Variants in LY75 observed in about 807,000 individuals in gnomAD.
LY75 encodes the protein lymphocyte antigen 75, also known as C-type lectin domain family 13 member B.
Under a neutral mutation model 231.7 loss-of-function variants are expected in LY75, and 185 were observed. That is an observed-to-expected ratio of 0.80 (90% confidence interval 0.71 to 0.90). The LOEUF (loss-of-function observed/expected upper bound fraction) is 0.90. Among genes scored for constraint, LY75 ranks in the 40% least tolerant of loss-of-function variants. The pLI is 0.00. For synonymous variants in LY75, 668 were observed against 689.0 expected, an observed-to-expected ratio of 0.97 and a Z score of 0.48; for missense variants, 1,947 against 2,050.2, an observed-to-expected ratio of 0.95 and a Z score of 0.97.
intron 4 of LY75, among the ~76,000 whole-genome samples, chr2:159,888,935 T>C (rs1685671453): frequency 6.6e-6 from 1 of 152,134 alleles, no homozygotes; most frequent in Admixed American, 6.6e-5. Context: ...TTAGATGGGA[T>C]GAAAGGAGAT....
intron 13 of LY75, among the ~76,000 whole-genome samples, chr2:159,865,631 C>T (rs1684835161): frequency 6.6e-6 from 1 of 152,096 alleles, no homozygotes; most frequent in Non-Finnish European, 1.5e-5. Flanking sequence ...GAGTTATATA[C>T]ATTTTAGGTG....
intron 29 of LY75, 114 bp downstream of exon 29, chr2:159,819,612 G>A (rs531982654): frequency 1.0e-5 from 13 of 1,304,630 alleles, no homozygotes; most frequent in South Asian, 1.6e-5. Context: ...GTAACACCTC[G>A]CACAGGACTG....
intron 13 of LY75, among the ~76,000 whole-genome samples, chr2:159,871,166 C>T (rs1226045165): frequency 1.3e-5 from 2 of 152,082 alleles, no homozygotes; most frequent in South Asian, 2.1e-4. Flanking sequence ...GTTATATTTA[C>T]TAAATATAAG....
At chr2:159,821,308 T>C (rs954867441) in intron 28 of LY75, among the ~76,000 whole-genome samples, 5 of 151,418 alleles carry the variant, frequency 3.3e-5, no homozygotes, top group African/African-American at 9.7e-5. Flanking sequence ...GCTACAGCTA[T>C]AAAATCTTTA....
chr2:159,817,151 G>T, intron 29 of LY75, 119 bp from the exon 30 acceptor site: 1 of 1,045,682 alleles, frequency 9.6e-7, no homozygotes. Flanking sequence ...ATTAATAAGG[G>T]AGGTCAAATG....
chr2:159,854,342 T>A lies in LY75; in HGVS notation c.2595+18A>T. ...ACAAAAATAAGAAATATATTTAAAA[T>A]ATATTCTTTTAAATTACATTTGCTA... On this transcript the variant is annotated intron_variant, in intron 18 of 34. Transcript: ENST00000263636. 7.5e-7 allele frequency: 1 copy of A among 1,326,386 alleles called. No individual in the cohort carries two copies. Among genetic ancestry groups the A allele is most frequent in the Non-Finnish European group, 9.8e-7 (1 of 1,020,888 alleles). 82.2% of individuals were successfully genotyped at this position (1,326,386 alleles called of 1,614,324 possible). A position where few individuals can be genotyped will look rare whatever the true frequency, so the allele number is the denominator to read the frequency against.
intron 31 of LY75, among the ~76,000 whole-genome samples, chr2:159,812,646 C>A (rs1260536077): frequency 1.3e-5 from 2 of 152,136 alleles, no homozygotes; most frequent in Non-Finnish European, 2.9e-5. Context: ...CTCCTGGGCT[C>A]AAGCCACCCA....
chr2:159,858,451 C>G lies in LY75; in HGVS notation c.2294G>C (p.Gly765Ala), dbSNP rs549633071. Residue 765 changes from glycine (G) to alanine (A), a missense_variant, in exon 16 of 35, where the codon GGC (glycine) becomes GCC (alanine). Physicochemically the swap from Gly to Ala is moderately conservative, Grantham distance 60. Coordinates refer to ENST00000263636, the MANE Select transcript of LY75 (RefSeq NM_002349.4). Reference sequence around the variant, plus strand: ...TTCTCTATCATCATAGAAATGCCAGCCTCTTCGCCATGGCCTATGAAATAC... The same window carrying G: ...TTCTCTATCATCATAGAAATGCCAGGCTCTTCGCCATGGCCTATGAAATAC... ...VKVFHRPWRR[G>A]WHFYDDREFI... 23 of 1,612,872 alleles carry G rather than the reference C, an allele frequency of 1.4e-5. No homozygotes were observed. The Admixed American group carries it at 2.5e-4, about 18-fold the overall frequency.
chr2:159,855,646 T>A (rs1189955528), intron 16 of LY75, among the ~76,000 whole-genome samples: 1 of 152,142 alleles, frequency 6.6e-6, no homozygotes, highest in Non-Finnish European at 1.5e-5. Flanking sequence ...TCTCTGAGCC[T>A]TGATTTTCTC....
chr2:159,805,744 T>C (rs1179618512), intron 34 of LY75, among the ~76,000 whole-genome samples: 2 of 152,228 alleles, frequency 1.3e-5, no homozygotes, highest in African/African-American at 4.8e-5. Flanking sequence ...TGACTTTAAA[T>C]ACCATTGCTA....
chr2:159,867,270 AT>A (rs920987786), intron 13 of LY75, among the ~76,000 whole-genome samples: 2 of 152,046 alleles, frequency 1.3e-5, no homozygotes, highest in Non-Finnish European at 1.5e-5. Flanking sequence ...ACATGTATGT[AT>A]TTTTTTTGTG....
Position 159,805,063 on chromosome 2 carries a change from A to G in LY75, c.5150T>C (p.Leu1717Pro). ...AQGVNEDEIM[L>P]PSFHD ...AAGAATTTAGTCATGGAAAGAAGGA[A>G]GCATAATCTCATCTTCATTCACTCC... The change falls in exon 35 of 35, where the codon CTT (leucine) becomes CCT (proline). Residue 1717 changes from leucine to proline, a missense_variant. Transcript: ENST00000263636. 1 of 1,613,792 alleles carries G rather than the reference A, an allele frequency of 6.2e-7. No homozygotes were observed. The highest frequency in any genetic ancestry group is 1.1e-5 in the South Asian group (1 of 90,996).
intron 22 of LY75, 69 bp downstream of exon 22, chr2:159,850,293 C>G: frequency 1.9e-6 from 3 of 1,580,528 alleles, no homozygotes; most frequent in Non-Finnish European, 2.6e-6. Context: ...ATGTTAATTC[C>G]CCATAGCCTC....
At chr2:159,850,533 A>C in intron 21 of LY75, 66 bp from the exon 22 acceptor site, 1 of 1,593,930 alleles carries the variant, frequency 6.3e-7, no homozygotes, top group African/African-American at 1.3e-5. Flanking sequence ...AGGAAGTAAA[A>C]TGCTTCATCT....
intron 8 of LY75, 129 bp downstream of exon 8, chr2:159,880,954 G>T: frequency 1.7e-6 from 2 of 1,180,736 alleles, no homozygotes; most frequent in Non-Finnish European, 2.3e-6. Context: ...CCGTGGCTCT[G>T]TACCCTGATC....
At chr2:159,858,923 G>C (rs1684620221) in intron 15 of LY75, among the ~76,000 whole-genome samples, 1 of 152,158 alleles carries the variant, frequency 6.6e-6, no homozygotes. Context: ...TCAGCAAGTA[G>C]GATAAAAAGG....
At chr2:159,833,129 CTTTTTTT>C (rs5835769) in intron 27 of LY75, among the ~76,000 whole-genome samples, 1 of 134,004 alleles carries the variant, frequency 7.5e-6, no homozygotes, top group Non-Finnish European at 1.6e-5. Flanking sequence ...TTCCCCCTTC[CTTTTTTT>C]TTTTTTTTTT....
At position 159,894,073 on chromosome 2, in the gene LY75, T is replaced by C. The variant is rs1685837078; in HGVS notation, c.478A>G (p.Arg160Gly). ...CDQPYHEIYT[R>G]DGNSYGRPCE... ...GGTCTCCCATAAGAGTTCCCATCTC[T>C]GGTATAGATCTCTGGGTTGGAGAGG... is the stretch of plus-strand genomic sequence containing the variant. Residue 160 changes from arginine (R) to glycine (G), a missense_variant, in exon 3 of 35, where the codon AGA becomes GGA. By Grantham distance (125) the Arg-to-Gly change is moderately radical. Coordinates refer to ENST00000263636, the MANE Select transcript of LY75 (RefSeq NM_002349.4). 1.2e-6 allele frequency: 2 copies of C among 1,610,374 alleles called. No individual in the cohort carries two copies. The highest frequency in any genetic ancestry group is 4.5e-5 in the East Asian group (2 of 44,700).
chr2:159,871,223 A>G (rs1320187254), intron 13 of LY75, among the ~76,000 whole-genome samples: 1 of 152,128 alleles, frequency 6.6e-6, no homozygotes, highest in East Asian at 1.9e-4. Context: ...ATTTTACCCA[A>G]TGCATTTTCA....
Sources: allele counts gnomAD v4.1 joint callset (sites outside exome capture counted in the v4.1 genomes callset), GRCh38; gene constraint gnomAD v4.1.1; transcripts MANE v1.5; gene names NCBI Gene and HGNC (gene_info 2026-07-23, HGNC 2026-07-21).